Variants in PCDHGB7 observed in about 807,000 individuals in gnomAD.
The protein encoded by PCDHGB7 is protocadherin gamma subfamily B, 7.
In PCDHGB7, 37 loss-of-function variants were observed where a neutral mutation model predicts 61.4. That is an observed-to-expected ratio of 0.60 (90% CI 0.46 to 0.79). The LOEUF is 0.79. Among genes scored for constraint, PCDHGB7 ranks in the 30% least tolerant of loss-of-function variants. PCDHGB7 has a pLI of 0.00. For missense variants in PCDHGB7, 1,166 were observed against 1,202.5 expected (o/e 0.97, Z 0.45); for synonymous variants, 464 against 503.5 (o/e 0.92, Z 1.05).
chr5:141,501,162 C>T (rs922957843), intron 2 of PCDHGB7, among the ~76,000 whole-genome samples: 1 of 152,134 alleles, frequency 6.6e-6, no homozygotes, highest in Non-Finnish European at 1.5e-5. Context: ...CCACCATCCC[C>T]AGCCTCATTT....
Position 141,432,880 on chromosome 5 carries a change from C to T in PCDHGB7, c.2415+12606C>T, listed in dbSNP as rs865848752. ...CGGTCTCCTGCGTCTTCCTGGCCTT[C>T]GTCATCTTGCTGCTGGCGCTCAGGC... On this transcript the variant is annotated intron_variant, in intron 1 of 3. Transcript: ENST00000398594. The surrounding 1 kb of genome is among the most constrained non-coding windows in gnomAD (Gnocchi z 6.0). 1 of 1,614,194 alleles carries T rather than the reference C, an allele frequency of 6.2e-7. No individual in the cohort carries two copies. Among genetic ancestry groups the T allele is most frequent in the Non-Finnish European group, 8.5e-7 (1 of 1,180,008 alleles).
intron 1 of PCDHGB7, among the ~76,000 whole-genome samples, chr5:141,450,005 TC>T (rs2098662434): frequency 1.0e-5 from 1 of 99,604 alleles, no homozygotes; most frequent in Non-Finnish European, 1.8e-5. Flanking sequence ...TTGCCATGTC[TC>T]TTTTTTTTTT....
In PCDHGB7 at chr5:141,511,342, C is replaced by G. The variant is rs2099883728; in HGVS notation, c.*169C>G. The stretch of plus-strand genomic sequence containing the variant: ...AACAAGTGCCCAGTCAGCACCTACC[C>G]CTTCCCCCCCAGGGGGTTGAATATG... On this transcript the variant is annotated 3_prime_UTR_variant, in exon 4 of 4. Coordinates refer to ENST00000398594, the MANE Select transcript of PCDHGB7 (RefSeq NM_018927.4). 1 of 1,424,960 alleles carries G rather than the reference C, an allele frequency of 7.0e-7. No homozygotes were observed. Among genetic ancestry groups the G allele is most frequent in the Admixed American group, 2.6e-5 (1 of 38,556 alleles). 88.3% of individuals were successfully genotyped at this position (1,424,960 alleles called of 1,614,324 possible).
At chr5:141,451,302 G>A (rs1445994098) in intron 1 of PCDHGB7, among the ~76,000 whole-genome samples, 1 of 152,208 alleles carries the variant, frequency 6.6e-6, no homozygotes, top group Non-Finnish European at 1.5e-5. Context: ...GTCTTACAAG[G>A]CAGCAATTAA....
At position 141,423,606 on chromosome 5, in the gene PCDHGB7, G is replaced by A. The variant is rs945897368; in HGVS notation, c.2415+3332G>A. 9 of 1,612,046 alleles carry A rather than the reference G, an allele frequency of 5.6e-6. No individual in the cohort carries two copies. In the Admixed American group the frequency reaches 1.0e-4, roughly 18 times the overall value. On this transcript the variant is annotated intron_variant, in intron 1 of 3. Transcript: ENST00000398594. ...GCTGTGAGAAAAGCGAGCCACTCTT[G>A]ATAGCTGAAGACTCAGCTATCATTT...
intron 2 of PCDHGB7, among the ~76,000 whole-genome samples, chr5:141,504,960 T>C (rs9324851): frequency 0.59 from 89,328 of 151,916 alleles, 27,885 homozygotes; most frequent in African/African-American, 0.8. Context: ...TTCAATGCAT[T>C]GGACCAGCCT....
intron 1 of PCDHGB7, among the ~76,000 whole-genome samples, chr5:141,438,788 A>G (rs1024095720): frequency 3.3e-5 from 5 of 149,742 alleles, no homozygotes; most frequent in Non-Finnish European, 7.4e-5. Flanking sequence ...CAGCCTCTCC[A>G]GTAGCTGGGA....
Position 141,418,714 on chromosome 5 carries a change from T to C in PCDHGB7, c.855T>C (p.Ala285=). ...SEITYSFFGV[A]DKAQHVFSLD... is the part of the protein sequence containing the mutation. Reference sequence around the variant, plus strand: ...TCACTTATTCCTTCTTTGGTGTGGCTGACAAAGCTCAGCACGTGTTCTCTC... The same window carrying C: ...TCACTTATTCCTTCTTTGGTGTGGCCGACAAAGCTCAGCACGTGTTCTCTC... The change falls in exon 1 of 4, where the codon GCT becomes GCC. Residue 285 remains alanine (A), a synonymous_variant. Coordinates refer to ENST00000398594, the MANE Select transcript of PCDHGB7 (RefSeq NM_018927.4). The C allele has an allele frequency of 2.5e-6, 4 of 1,614,000 alleles. No homozygotes were observed. The highest frequency in any genetic ancestry group is 3.4e-6 in the Non-Finnish European group (4 of 1,179,864).
intron 2 of PCDHGB7, among the ~76,000 whole-genome samples, chr5:141,500,187 TA>T (rs56304898): frequency 0.051 from 5,679 of 110,700 alleles, 126 homozygotes; most frequent in Middle Eastern, 0.14. Flanking sequence ...TTTTTATTTT[TA>T]TTTATTTATT....
chr5:141,484,699 T>A (rs899065665), intron 1 of PCDHGB7, among the ~76,000 whole-genome samples: 4 of 151,966 alleles, frequency 2.6e-5, no homozygotes, highest in African/African-American at 9.7e-5. Flanking sequence ...GCTGTGGCTG[T>A]TTTCCCCGCC....
At chr5:141,467,055 C>CTTTTTTTTTTTT (rs1193465269) in intron 1 of PCDHGB7, among the ~76,000 whole-genome samples, 1 of 134,498 alleles carries the variant, frequency 7.4e-6, no homozygotes. Context: ...TCAATGTTTT[C>CTTTTTTTTTTTT]TTTTTTTTTT....
intron 1 of PCDHGB7, among the ~76,000 whole-genome samples, chr5:141,460,120 A>C (rs1404213559): frequency 1.3e-5 from 2 of 151,956 alleles, no homozygotes; most frequent in Non-Finnish European, 2.9e-5. Flanking sequence ...ATTTTTATAT[A>C]TGTAATATAT....
chr5:141,477,572 G>T lies in PCDHGB7; in HGVS notation c.2416-17235G>T, dbSNP rs375416133. The T allele has an allele frequency of 6.2e-7, 1 of 1,614,112 alleles. No homozygotes were observed. Among genetic ancestry groups the T allele is most frequent in the South Asian group, 1.1e-5 (1 of 91,072 alleles). ...AAACCTAAGTGTCTGGGACCCCGAC[G>T]CCCCGCAGAATGCTCGGCTTTCTTT... On this transcript the variant is annotated intron_variant, in intron 1 of 3. Transcript: ENST00000398594. The surrounding 1 kb of genome is among the most constrained non-coding windows in gnomAD (Gnocchi z 4.9).
rs200601557 is a variant in PCDHGB7, at chr5:141,432,538, G to A, written c.2415+12264G>A. 5.0e-6 allele frequency: 8 copies of A among 1,613,908 alleles called. No homozygotes were observed. The highest frequency in any genetic ancestry group is 1.7e-5 in the Admixed American group (1 of 60,012). On this transcript the variant is annotated intron_variant, in intron 1 of 3. Coordinates refer to ENST00000398594, the MANE Select transcript of PCDHGB7 (RefSeq NM_018927.4). The surrounding 1 kb of genome is among the most constrained non-coding windows in gnomAD (Gnocchi z 6.0). ...GCTACCTGGTGACCAAGGTGGTGGCGGTGGACAGAGACTCCGGCCAGAACG... is the reference window on the plus strand; with the variant it reads ...GCTACCTGGTGACCAAGGTGGTGGCAGTGGACAGAGACTCCGGCCAGAACG...
At chr5:141,501,409 A>G (rs1358547245) in intron 2 of PCDHGB7, among the ~76,000 whole-genome samples, 1 of 151,978 alleles carries the variant, frequency 6.6e-6, no homozygotes, top group African/African-American at 2.4e-5. Context: ...ACTGCTTGGA[A>G]AATAGTTGAC....
At chr5:141,478,215 T>C (rs764444582) in intron 1 of PCDHGB7, 11 of 1,614,118 alleles carry the variant, frequency 6.8e-6, no homozygotes. Context: ...TCTCTAATCC[T>C]GGTTTCTGTG....
chr5:141,421,246 C>T (rs1047768415), intron 1 of PCDHGB7: 16 of 1,603,622 alleles, frequency 1.0e-5, no homozygotes, highest in Admixed American at 1.7e-5. Flanking sequence ...TCGGCTACAG[C>T]GCGGGGACCG....
intron 1 of PCDHGB7, among the ~76,000 whole-genome samples, chr5:141,451,908 G>A (rs899191624): frequency 3.9e-5 from 6 of 152,046 alleles, no homozygotes; most frequent in African/African-American, 7.2e-5. Context: ...AAGGGAGGGA[G>A]GGAGGAAGGA....
chr5:141,491,233 G>T lies in PCDHGB7; in HGVS notation c.2416-3574G>T. 1 of 1,614,224 alleles carries T rather than the reference G, an allele frequency of 6.2e-7. No homozygotes were observed. The highest frequency in any genetic ancestry group is 2.2e-5 in the East Asian group (1 of 44,890). On this transcript the variant is annotated intron_variant, in intron 1 of 3. Transcript: ENST00000398594. The surrounding 1 kb of genome is among the most constrained non-coding windows in gnomAD (Gnocchi z 6.9). ...CTCCTCCACAGCCACAGTGCTGCTG[G>T]TTCTGGAGGATGAGGACCCTGAGGA...
Sources: gnomAD v4.1 joint callset for allele counts (sites outside exome capture counted in the v4.1 genomes callset) on GRCh38, gnomAD v4.1.1 for gene constraint, Gnocchi (gnomAD v3.1) non-coding constraint, MANE v1.5 for transcripts, NCBI Gene and HGNC (gene_info 2026-07-23, HGNC 2026-07-21) for gene names.